The following NTRK3 variants were observed in gnomAD, a reference collection of about 807,000 sequenced individuals.
NTRK3 encodes the protein NT-3 growth factor receptor.
A neutral mutation model predicts 91.7 loss-of-function variants in NTRK3; 24 were observed. That is an observed-to-expected ratio of 0.26 (90% CI 0.19 to 0.37). The LOEUF is 0.37. NTRK3 is among the 10% of genes least tolerant of loss of function. NTRK3 has a pLI of 1.00. For synonymous variants in NTRK3, 483 were observed against 404.0 expected (o/e 1.20, Z -2.34); for missense variants, 880 against 1,068.9 (o/e 0.82, Z 2.46).
chr15:87,865,076 G>C (rs2064628366), exon 19 of NTRK3: 1 of 213,896 alleles, frequency 4.7e-6, no homozygotes, highest in African/African-American at 2.3e-5. Flanking sequence ...AAAAGTTAAA[G>C]AGAAAAGAGA....
chr15:87,955,431 T>C (rs2071556374), intron 14 of NTRK3, among the ~76,000 whole-genome samples: 1 of 152,158 alleles, frequency 6.6e-6, no homozygotes, highest in Admixed American at 6.5e-5. Flanking sequence ...GTCAGGAGAT[T>C]TGGGGACACG....
intron 3 of NTRK3, among the ~76,000 whole-genome samples, chr15:88,227,152 C>T (rs2050744452): frequency 6.6e-6 from 1 of 152,164 alleles, no homozygotes; most frequent in South Asian, 2.1e-4. Context: ...TCTCCCAAAT[C>T]CTCCATGCCC....
chr15:87,864,416 CTTG>C (rs2064607965), exon 19 of NTRK3: 1 of 230,542 alleles, frequency 4.3e-6, no homozygotes, highest in Admixed American at 5.6e-5. Flanking sequence ...GAAATAAGTT[CTTG>C]TTGTGCCTGT....
intron 5 of NTRK3, among the ~76,000 whole-genome samples, chr15:88,167,395 T>C (rs1368648399): frequency 1.3e-5 from 2 of 151,624 alleles, no homozygotes; most frequent in African/African-American, 4.9e-5. Flanking sequence ...CAGCCCAGTA[T>C]AGCAAAAAAA....
intron 17 of NTRK3, among the ~76,000 whole-genome samples, chr15:87,925,838 C>T (rs577544598): frequency 1.4e-4 from 22 of 152,246 alleles, no homozygotes; most frequent in Middle Eastern, 3.4e-3. Flanking sequence ...CTAGTGGTCA[C>T]GGAGTCCCTC....
intron 14 of NTRK3, among the ~76,000 whole-genome samples, chr15:87,942,910 C>T (rs1433222238): frequency 6.6e-6 from 1 of 152,164 alleles, no homozygotes; most frequent in African/African-American, 2.4e-5. Flanking sequence ...CAGGCATCCG[C>T]ACCTGGTGAC....
At chr15:87,882,058 G>A (rs1192578837) in intron 17 of NTRK3, among the ~76,000 whole-genome samples, 1 of 151,850 alleles carries the variant, frequency 6.6e-6, no homozygotes, top group Non-Finnish European at 1.5e-5. Context: ...ACCATGCCTG[G>A]CTAATTTTTG....
intron 6 of NTRK3, among the ~76,000 whole-genome samples, chr15:88,144,949 TG>T (rs1247950097): frequency 6.6e-6 from 1 of 152,196 alleles, no homozygotes; most frequent in Non-Finnish European, 1.5e-5. Context: ...CTGCCCCTTC[TG>T]TCCCTGCAGA....
chr15:88,157,937 C>A (rs1336764588), intron 5 of NTRK3, among the ~76,000 whole-genome samples: 4 of 152,278 alleles, frequency 2.6e-5, no homozygotes, highest in Non-Finnish European at 4.4e-5. Flanking sequence ...CCCCTCTTGG[C>A]CAATCTTGGC....
chr15:88,012,193 C>T (rs1015366455), intron 14 of NTRK3, among the ~76,000 whole-genome samples: 5 of 152,198 alleles, frequency 3.3e-5, no homozygotes, highest in Admixed American at 6.5e-5. Context: ...ACATCCTCCA[C>T]GAACCTATAA....
At chr15:87,994,350 C>T (rs1315013994) in intron 14 of NTRK3, among the ~76,000 whole-genome samples, 4 of 152,214 alleles carry the variant, frequency 2.6e-5, no homozygotes, top group East Asian at 3.9e-4. Flanking sequence ...CTAGGATGGG[C>T]CCTAATCCAA....
chr15:88,184,940 G>A (rs1474461918), intron 3 of NTRK3, among the ~76,000 whole-genome samples: 5 of 152,196 alleles, frequency 3.3e-5, no homozygotes, highest in South Asian at 2.1e-4. Context: ...AGCCACTAGA[G>A]TGTCATGGAA....
intron 6 of NTRK3, among the ~76,000 whole-genome samples, chr15:88,137,800 C>T (rs542018937): frequency 6.6e-6 from 1 of 152,310 alleles, no homozygotes; most frequent in Admixed American, 6.5e-5. Flanking sequence ...TGCCTGTAAT[C>T]CCAGCACTTT....
At chr15:88,099,718 G>A (rs1018444036) in intron 13 of NTRK3, among the ~76,000 whole-genome samples, 1 of 152,130 alleles carries the variant, frequency 6.6e-6, no homozygotes, top group African/African-American at 2.4e-5. Flanking sequence ...AAGCAGGGGT[G>A]GGGGAAACTT....
Position 87,876,716 on chromosome 15 carries a change from A to AAT in NTRK3, c.*217_*218dup, listed in dbSNP as rs147238996. 16,530 of 190,914 alleles carry AAT rather than the reference A, an allele frequency of 0.087. 554 individuals carry two copies. The highest frequency in any genetic ancestry group is 0.11 in the Non-Finnish European group (10,628 of 96,376). The allele number at this position is 190,914 out of a possible 1,614,324, so 11.8% of individuals were successfully genotyped here. ...AGATTGATAGATAGTTAGATATATA[A>AAT]ATATATATATATATATATATATTTG... On this transcript the variant is annotated 3_prime_UTR_variant, in exon 19 of 19. Coordinates refer to ENST00000394480, the Ensembl canonical transcript of NTRK3.
At chr15:88,044,368 C>T (rs2142182080) in intron 13 of NTRK3, among the ~76,000 whole-genome samples, 1 of 145,280 alleles carries the variant, frequency 6.9e-6, no homozygotes. Context: ...TCACTCCATT[C>T]TCCTGCCTCA....
chr15:88,056,358 G>A (rs197054), intron 13 of NTRK3, among the ~76,000 whole-genome samples: 1 of 151,854 alleles, frequency 6.6e-6, no homozygotes. Flanking sequence ...TCAGGGCATA[G>A]GTTGGAGATG....
At chr15:87,949,068 A>G (rs909750421) in intron 14 of NTRK3, among the ~76,000 whole-genome samples, 1 of 152,204 alleles carries the variant, frequency 6.6e-6, no homozygotes, top group Non-Finnish European at 1.5e-5. Flanking sequence ...CCCACTAACT[A>G]TATGATGAAT....
At chr15:88,245,398 G>A (rs2052720528) in intron 3 of NTRK3, among the ~76,000 whole-genome samples, 2 of 152,166 alleles carry the variant, frequency 1.3e-5, no homozygotes, top group Non-Finnish European at 2.9e-5. Flanking sequence ...TAAGTAATGT[G>A]CCTAAGCCTA....
Sources: gnomAD v4.1 joint callset for allele counts (sites outside exome capture counted in the v4.1 genomes callset) on GRCh38, gnomAD v4.1.1 for gene constraint, MANE v1.5 for transcripts, NCBI Gene and HGNC (gene_info 2026-07-23, HGNC 2026-07-21) for gene names.